The following SLIT2 variants were observed in gnomAD, a reference collection of about 807,000 sequenced individuals.
SLIT2 encodes slit homolog 2 protein.
SLIT2 carries 41 observed loss-of-function variants against 185.7 expected under a neutral mutation model. The ratio of observed to expected loss-of-function variants is 0.22; its 90% confidence interval spans 0.17 to 0.29. The LOEUF is 0.29. Ranked by LOEUF, SLIT2 falls within the 10% of genes least tolerant of loss-of-function variation. The pLI is 1.00. For missense variants in SLIT2, 1,571 were observed against 1,909.0 expected (o/e 0.82, Z 3.30); for synonymous variants, 693 against 680.2 (o/e 1.02, Z -0.29).
chr4:20,403,367 C>G (rs1458922346), intron 4 of SLIT2, among the ~76,000 whole-genome samples: 3 of 151,928 alleles, frequency 2.0e-5, no homozygotes, highest in Non-Finnish European at 4.4e-5. Flanking sequence ...TCACTGGAGA[C>G]AGTGTTACAA....
At chr4:20,466,196 C>CT (rs773854243) in intron 4 of SLIT2, among the ~76,000 whole-genome samples, 1 of 152,006 alleles carries the variant, frequency 6.6e-6, no homozygotes, top group Non-Finnish European at 1.5e-5. Flanking sequence ...AACACTGTTT[C>CT]TGTCATCGAG....
intron 4 of SLIT2, among the ~76,000 whole-genome samples, chr4:20,357,766 TC>T: frequency 6.6e-6 from 1 of 152,016 alleles, no homozygotes. Flanking sequence ...CAGCTTTTAT[TC>T]CCCCCAATAT....
intron 3 of SLIT2, among the ~76,000 whole-genome samples, chr4:20,262,331 G>C (rs1712557264): frequency 6.6e-6 from 1 of 151,768 alleles, no homozygotes; most frequent in Admixed American, 6.6e-5. Flanking sequence ...TAGGGTTTTT[G>C]TTGTAGGTCT....
intron 5 of SLIT2, among the ~76,000 whole-genome samples, chr4:20,472,279 T>TATATAG (rs1715200162): frequency 3.5e-4 from 8 of 22,544 alleles, no homozygotes; most frequent in African/African-American, 5.6e-4. Flanking sequence ...TATATATCTA[T>TATATAG]ATATATAGAT....
At chr4:20,433,978 A>C (rs1259872518) in intron 4 of SLIT2, among the ~76,000 whole-genome samples, 2 of 152,092 alleles carry the variant, frequency 1.3e-5, no homozygotes, top group Admixed American at 1.3e-4. Context: ...CAGGACATAA[A>C]ATTTGCTTAT....
intron 4 of SLIT2, among the ~76,000 whole-genome samples, chr4:20,286,696 G>A (rs12642349): frequency 0.17 from 25,142 of 152,130 alleles, 2,632 homozygotes; most frequent in East Asian, 0.34. Context: ...CAGCTACTCG[G>A]GAGGCTGAGG....
intron 4 of SLIT2, among the ~76,000 whole-genome samples, chr4:20,274,325 A>T (rs941267906): frequency 1.3e-5 from 2 of 152,144 alleles, no homozygotes; most frequent in African/African-American, 2.4e-5. Context: ...TATTGCATTT[A>T]AAAAAATTAC....
intron 4 of SLIT2, among the ~76,000 whole-genome samples, chr4:20,325,677 T>C (rs925592954): frequency 1.3e-5 from 2 of 152,146 alleles, no homozygotes; most frequent in Non-Finnish European, 2.9e-5. Context: ...TCAAAGTTTG[T>C]TTTCAGAAAC....
chr4:20,312,125 G>C (rs1286206910), intron 4 of SLIT2, among the ~76,000 whole-genome samples: 3 of 152,114 alleles, frequency 2.0e-5, no homozygotes, highest in Admixed American at 6.5e-5. Context: ...TTTCTCAAGA[G>C]TTTTATTTTA....
At chr4:20,562,907 A>G (rs1191694680) in intron 26 of SLIT2, among the ~76,000 whole-genome samples, 1 of 151,748 alleles carries the variant, frequency 6.6e-6, no homozygotes, top group Non-Finnish European at 1.5e-5. Context: ...AAGGGATGCC[A>G]GAATGAAGGC....
In SLIT2 at chr4:20,375,250, G is replaced by T. The variant is rs143738953; in HGVS notation, c.396-92502G>T. Among the ~76,000 whole-genome samples the T allele has an allele frequency of 2.0e-4, 31 of 152,080 alleles. No homozygotes were observed. In the East Asian group the frequency reaches 6.0e-3, roughly 30 times the overall value. ...CTGAATAATTGTTGAAGGAAGAATG[G>T]TATCATCAGTCTTTTTGAGGAGTTT... is the stretch of plus-strand genomic sequence containing the variant. On this transcript the variant is annotated intron_variant, in intron 4 of 36. Coordinates refer to ENST00000504154, the MANE Select transcript of SLIT2 (RefSeq NM_004787.4).
chr4:20,446,092 C>A (rs748567881), intron 4 of SLIT2, among the ~76,000 whole-genome samples: 1 of 152,094 alleles, frequency 6.6e-6, no homozygotes, highest in Non-Finnish European at 1.5e-5. Context: ...TTAAGCACAC[C>A]CTTGCCCCCT....
intron 4 of SLIT2, among the ~76,000 whole-genome samples, chr4:20,420,071 G>C (rs565840151): frequency 6.6e-6 from 1 of 152,262 alleles, no homozygotes; most frequent in African/African-American, 2.4e-5. Context: ...GATAACCACT[G>C]TCTCTAATAT....
chr4:20,326,935 G>A (rs951737987), intron 4 of SLIT2, among the ~76,000 whole-genome samples: 1 of 151,256 alleles, frequency 6.6e-6, no homozygotes, highest in African/African-American at 2.4e-5. Context: ...GATTATGTTT[G>A]TCATAGCAAA....
At chr4:20,277,064 T>C (rs915418707) in intron 4 of SLIT2, among the ~76,000 whole-genome samples, 1 of 152,204 alleles carries the variant, frequency 6.6e-6, no homozygotes, top group African/African-American at 2.4e-5. Flanking sequence ...CGACAAGGCA[T>C]CTTAGAGTGT....
intron 18 of SLIT2, among the ~76,000 whole-genome samples, chr4:20,535,420 C>T (rs976671727): frequency 6.6e-6 from 1 of 151,894 alleles, no homozygotes; most frequent in Non-Finnish European, 1.5e-5. Context: ...AATATTATAA[C>T]AAGCAGAAGG....
At chr4:20,543,000 T>C (rs960481224) in intron 21 of SLIT2, among the ~76,000 whole-genome samples, 1 of 152,090 alleles carries the variant, frequency 6.6e-6, no homozygotes, top group Non-Finnish European at 1.5e-5. Flanking sequence ...ACAAGACTAA[T>C]GGCCCATGGA....
Position 20,553,791 on chromosome 4 carries a change from T to C in SLIT2, c.2562-14T>C. The C allele has an allele frequency of 6.4e-7, 1 of 1,553,910 alleles. No individual in the cohort carries two copies. The highest frequency in any genetic ancestry group is 8.7e-7 in the Non-Finnish European group (1 of 1,154,586). ...TGTGTATGTGTGTGTGCTTCTGTGGTGTTGTTTTTCCAGAGCAATTGGAGC... is the reference window on the plus strand; with the variant it reads ...TGTGTATGTGTGTGTGCTTCTGTGGCGTTGTTTTTCCAGAGCAATTGGAGC... On this transcript the variant is annotated splice_polypyrimidine_tract_variant and intron_variant, in intron 25 of 36. Transcript: ENST00000504154.
chr4:20,359,087 T>C (rs1722550576), intron 4 of SLIT2, among the ~76,000 whole-genome samples: 1 of 152,164 alleles, frequency 6.6e-6, no homozygotes, highest in Non-Finnish European at 1.5e-5. Flanking sequence ...ATAGGTTCTC[T>C]GCCACCATGA....
Sources: gnomAD v4.1 joint callset for allele counts (sites outside exome capture counted in the v4.1 genomes callset) on GRCh38, gnomAD v4.1.1 for gene constraint, MANE v1.5 for transcripts, NCBI Gene and HGNC (gene_info 2026-07-23, HGNC 2026-07-21) for gene names.